Variants in PICALM observed in about 807,000 individuals in gnomAD.
PICALM encodes phosphatidylinositol binding clathrin assembly protein, also known as phosphatidylinositol-binding clathrin assembly protein.
Under a neutral mutation model 80.5 loss-of-function variants are expected in PICALM, and 40 were observed. The observed-to-expected ratio is 0.50, with a 90% CI of 0.39 to 0.65. The LOEUF (loss-of-function observed/expected upper bound fraction) is 0.65, where lower values mean the gene tolerates loss of function less well. Ranked by LOEUF, PICALM falls within the 30% of genes least tolerant of loss-of-function variation. The pLI, the probability that PICALM is intolerant of heterozygous loss-of-function variation, is 0.00. For missense variants in PICALM, 676 were observed against 778.9 expected (o/e 0.87, Z 1.57); for synonymous variants, 288 against 260.3 (o/e 1.11, Z -1.02).
At chr11:85,966,575 C>T (rs1280762452) in intron 19 of PICALM, among the ~76,000 whole-genome samples, 3 of 152,216 alleles carry the variant, frequency 2.0e-5, no homozygotes, top group Non-Finnish European at 4.4e-5. Flanking sequence ...TTGCTCTCAA[C>T]ACATGGTTAG....
intron 13 of PICALM, among the ~76,000 whole-genome samples, chr11:85,985,327 A>C (rs148694043): frequency 6.6e-6 from 1 of 152,140 alleles, no homozygotes; most frequent in South Asian, 2.1e-4. Flanking sequence ...ACAATTTATT[A>C]TTAGCAAAGA....
chr11:86,044,136 G>A (rs1836477969), intron 1 of PICALM, among the ~76,000 whole-genome samples: 1 of 152,206 alleles, frequency 6.6e-6, no homozygotes, highest in African/African-American at 2.4e-5. Context: ...CTAATGGGAG[G>A]AATGTAATCA....
At position 86,068,706 on chromosome 11, in the gene PICALM, T is replaced by C. The variant is rs1402305583; in HGVS notation, c.75A>G (p.Thr25=). ...TCTCGTGGGTCGTGGCCTTGCATAC[T>C]GTCTTGGATACGGCAGAGCCGGTGA... The part of the protein sequence containing the change: ...HSVTGSAVSK[T]VCKATTHEIM... Residue 25 remains threonine, a synonymous_variant, in exon 1 of 20, where the codon ACA becomes ACG. Transcript: ENST00000393346. The C allele has an allele frequency of 3.1e-6, 5 of 1,613,094 alleles. No individual in the cohort carries two copies. In the South Asian group the frequency reaches 5.5e-5, roughly 18 times the overall value.
At chr11:86,018,952 C>T (rs575647069) in intron 4 of PICALM, among the ~76,000 whole-genome samples, 1 of 151,214 alleles carries the variant, frequency 6.6e-6, no homozygotes, top group Admixed American at 6.6e-5. Context: ...GTCCAAAATA[C>T]ACAGGAGGGG....
intron 2 of PICALM, among the ~76,000 whole-genome samples, chr11:86,029,259 T>G (rs1248587299): frequency 6.6e-6 from 1 of 152,038 alleles, no homozygotes; most frequent in Non-Finnish European, 1.5e-5. Flanking sequence ...TCATCCCCCT[T>G]CCCCACTCAG....
intron 13 of PICALM, among the ~76,000 whole-genome samples, chr11:85,989,585 T>C (rs1214170170): frequency 1.3e-5 from 2 of 152,144 alleles, no homozygotes; most frequent in Admixed American, 1.3e-4. Context: ...AGCATATACT[T>C]TAAAACTTAC....
intron 17 of PICALM, among the ~76,000 whole-genome samples, chr11:85,977,806 G>C (rs1264647469): frequency 1.3e-5 from 2 of 152,128 alleles, no homozygotes; most frequent in Non-Finnish European, 2.9e-5. Flanking sequence ...CATAGTGGCA[G>C]CACAGATACA....
intron 1 of PICALM, among the ~76,000 whole-genome samples, chr11:86,040,861 C>T (rs996322903): frequency 3.9e-5 from 6 of 152,110 alleles, no homozygotes; most frequent in Non-Finnish European, 8.8e-5. Flanking sequence ...ATGCCAAATA[C>T]TTAGATATAC....
chr11:85,961,821 T>C (rs2093697498), intron 19 of PICALM, among the ~76,000 whole-genome samples: 1 of 152,116 alleles, frequency 6.6e-6, no homozygotes, highest in Admixed American at 6.6e-5. Context: ...AGAGGATTTC[T>C]TTGCTGGTGC....
At chr11:86,010,884 C>A (rs2095382699) in intron 7 of PICALM, 146 bp downstream of exon 7, 1 of 581,438 alleles carries the variant, frequency 1.7e-6, no homozygotes, top group Non-Finnish European at 3.0e-6. Context: ...ATATTCATAT[C>A]TTGCCACAGA....
Position 86,003,002 on chromosome 11 carries a change from ACT to A in PICALM, c.893+362_893+363del, listed in dbSNP as rs559013470. On this transcript the variant is annotated intron_variant, in intron 9 of 19. Transcript: ENST00000393346. The stretch of plus-strand genomic sequence containing the variant: ...ACTCCAGCCTGGGCAATAGAGTGAG[ACT>A]CTGCCTCGGGGGAAGAAAAAAAAAA... 1.8e-3 allele frequency among the ~76,000 whole-genome samples: 277 copies of A among 151,600 alleles called. 1 individual carries two copies. The highest frequency in any genetic ancestry group is 6.4e-3 in the African/African-American group (262 of 41,130).
intron 5 of PICALM, among the ~76,000 whole-genome samples, chr11:86,013,802 T>A (rs1021977468): frequency 6.6e-6 from 1 of 152,174 alleles, no homozygotes; most frequent in Non-Finnish European, 1.5e-5. Context: ...AAGGGTCAGA[T>A]GGTAAATATT....
intron 13 of PICALM, among the ~76,000 whole-genome samples, chr11:85,984,621 G>C (rs1048708424): frequency 4.6e-5 from 7 of 152,116 alleles, no homozygotes; most frequent in Admixed American, 1.3e-4. Context: ...CTTAGTACTT[G>C]CAACAGTGGG....
chr11:86,057,936 C>A (rs2096295164), intron 1 of PICALM, among the ~76,000 whole-genome samples: 1 of 152,092 alleles, frequency 6.6e-6, no homozygotes, highest in Admixed American at 6.6e-5. Context: ...TGAAGGACAA[C>A]CGCATATATT....
intron 12 of PICALM, among the ~76,000 whole-genome samples, chr11:85,995,966 A>G (rs2094946331): frequency 6.6e-6 from 1 of 152,188 alleles, no homozygotes; most frequent in Non-Finnish European, 1.5e-5. Flanking sequence ...TCAGGCTCAC[A>G]AAATTACCAT....
At chr11:85,973,386 T>C (rs144669234) in intron 19 of PICALM, among the ~76,000 whole-genome samples, 2 of 152,200 alleles carry the variant, frequency 1.3e-5, no homozygotes, top group East Asian at 1.9e-4. Flanking sequence ...GGTCTGAAAA[T>C]AGGTAAGTAG....
At chr11:86,035,781 A>C (rs951317416) in intron 1 of PICALM, among the ~76,000 whole-genome samples, 1 of 11,466 alleles carries the variant, frequency 8.7e-5, no homozygotes, top group East Asian at 1.8e-3. Context: ...TGTCTCTACT[A>C]AAAAAAAAAC....
chr11:85,988,789 T>A (rs1336201910), intron 13 of PICALM, among the ~76,000 whole-genome samples: 1 of 152,116 alleles, frequency 6.6e-6, no homozygotes, highest in African/African-American at 2.4e-5. Context: ...TACAACTTGC[T>A]AAAAAAAGAA....
intron 4 of PICALM, among the ~76,000 whole-genome samples, chr11:86,020,079 T>C (rs1384308600): frequency 6.6e-6 from 1 of 152,212 alleles, no homozygotes; most frequent in East Asian, 1.9e-4. Flanking sequence ...TTATCACTTA[T>C]AGAAGCACTG....
Sources: allele counts gnomAD v4.1 joint callset (sites outside exome capture counted in the v4.1 genomes callset), GRCh38; gene constraint gnomAD v4.1.1; transcripts MANE v1.5; gene names NCBI Gene and HGNC (gene_info 2026-07-23, HGNC 2026-07-21).